The following CACNA2D2 variants were observed in gnomAD, a reference collection of about 807,000 sequenced individuals.
The protein encoded by CACNA2D2 is calcium voltage-gated channel auxiliary subunit alpha2delta 2, also known as voltage-dependent calcium channel subunit alpha-2/delta-2.
A neutral mutation model predicts 166.4 loss-of-function variants in CACNA2D2; 48 were observed. The observed-to-expected ratio is 0.29, with a 90% CI of 0.23 to 0.37. The LOEUF (loss-of-function observed/expected upper bound fraction) is 0.37. Among genes scored for constraint, CACNA2D2 ranks in the 10% least tolerant of loss-of-function variants. The pLI is 1.00. For missense variants in CACNA2D2, 1,122 were observed against 1,433.0 expected (o/e 0.78, Z 3.50); for synonymous variants, 561 against 573.7 (o/e 0.98, Z 0.32).
intron 1 of CACNA2D2, among the ~76,000 whole-genome samples, chr3:50,497,903 T>C (rs1698788980): frequency 6.6e-6 from 1 of 152,114 alleles, no homozygotes; most frequent in African/African-American, 2.4e-5. Flanking sequence ...GCTTCTTGTT[T>C]AGACAGTAGG....
At chr3:50,440,489 C>A (rs1258257047) in intron 2 of CACNA2D2, among the ~76,000 whole-genome samples, 15 of 152,278 alleles carry the variant, frequency 9.9e-5, no homozygotes, top group African/African-American at 3.4e-4. Context: ...GTTTTGTACA[C>A]TGTGATGTTA....
At chr3:50,479,930 C>G (rs775691422) in intron 1 of CACNA2D2, among the ~76,000 whole-genome samples, 44 of 152,322 alleles carry the variant, frequency 2.9e-4, no homozygotes, top group Non-Finnish European at 4.1e-4. Flanking sequence ...TCCCTAATTG[C>G]TTCTAAGTGC....
rs527437657 is a variant in CACNA2D2 at position 50,436,674 on chromosome 3, G to T, written c.289-2245C>A. ...CAAACCCATGCCTTGAGCAGCCTGT[G>T]CTGTTGTTACGGCTATTAGTTTGGG... is the stretch of plus-strand genomic sequence containing the variant. On this transcript the variant is annotated intron_variant, in intron 2 of 37. Coordinates refer to ENST00000424201, the MANE Select transcript of CACNA2D2 (RefSeq NM_006030.4). Among the ~76,000 whole-genome samples the T allele has an allele frequency of 2.0e-5, 3 of 152,366 alleles. No homozygotes were observed. In the South Asian group the frequency reaches 6.2e-4, roughly 32 times the overall value.
At chr3:50,409,253 G>A (rs1272217091) in intron 3 of CACNA2D2, among the ~76,000 whole-genome samples, 3 of 152,242 alleles carry the variant, frequency 2.0e-5, no homozygotes, top group African/African-American at 7.2e-5. Flanking sequence ...GGGCTCATGA[G>A]GAAGGGCTGG....
intron 1 of CACNA2D2, 34 bp from the exon 2 acceptor site, chr3:50,476,233 G>A (rs1385913905): frequency 6.5e-7 from 1 of 1,534,670 alleles, no homozygotes; most frequent in Admixed American, 1.9e-5. Flanking sequence ...GTGTCAGGAG[G>A]GCCTGCCCAG....
intron 4 of CACNA2D2, among the ~76,000 whole-genome samples, chr3:50,390,943 GC>G (rs1553733536): frequency 6.6e-6 from 1 of 152,252 alleles, no homozygotes; most frequent in Non-Finnish European, 1.5e-5. Context: ...CCAGCCACCC[GC>G]TGCACCAGTG....
intron 23 of CACNA2D2, 147 bp from the exon 24 acceptor site, chr3:50,368,382 T>TA (rs1179419967): frequency 1.1e-5 from 7 of 653,682 alleles, no homozygotes; most frequent in Non-Finnish European, 1.6e-5. Context: ...CTGCAGCTGC[T>TA]ACATGCCTGG....
At chr3:50,394,047 C>T in intron 4 of CACNA2D2, 62 bp downstream of exon 4, 3 of 1,482,118 alleles carry the variant, frequency 2.0e-6, no homozygotes, top group South Asian at 2.3e-5. Context: ...CACCCCCCAG[C>T]ATTCAAATCC....
chr3:50,415,635 C>A (rs1323456393), intron 3 of CACNA2D2, among the ~76,000 whole-genome samples: 1 of 152,226 alleles, frequency 6.6e-6, no homozygotes, highest in Non-Finnish European at 1.5e-5. Flanking sequence ...TGCCTGTGTG[C>A]CCCTCACCAA....
chr3:50,387,555 AG>A lies in CACNA2D2; in HGVS notation c.510+12del. 1.9e-6 allele frequency: 3 copies of A among 1,612,448 alleles called. No individual in the cohort carries two copies. Among genetic ancestry groups the A allele is most frequent in the Non-Finnish European group, 2.5e-6 (3 of 1,178,612 alleles). Reference sequence around the variant, plus strand: ...GCCCAGCAAGGAGGTGTGGCTCAGGAGGGGGTGCTCACCAGCTCAGCGTCAG... The same window carrying A: ...GCCCAGCAAGGAGGTGTGGCTCAGGAGGGGTGCTCACCAGCTCAGCGTCAG... On this transcript the variant is annotated intron_variant, in intron 5 of 37. Coordinates refer to ENST00000424201, the MANE Select transcript of CACNA2D2 (RefSeq NM_006030.4).
chr3:50,445,611 C>A (rs1327262881), intron 2 of CACNA2D2, among the ~76,000 whole-genome samples: 1 of 152,110 alleles, frequency 6.6e-6, no homozygotes, highest in Non-Finnish European at 1.5e-5. Context: ...CAAACAGGAC[C>A]AAGACACTAA....
In CACNA2D2 at chr3:50,441,055, T is replaced by C. The variant is rs148950460; in HGVS notation, c.289-6626A>G. Reference sequence around the variant, plus strand: ...TGCTCAGTGGCTGCAGAGGGGCTTGTTGGGGGACAGAAGCTGGGGAGACAG... The same window carrying C: ...TGCTCAGTGGCTGCAGAGGGGCTTGCTGGGGGACAGAAGCTGGGGAGACAG... On this transcript the variant is annotated intron_variant, in intron 2 of 37. Coordinates refer to ENST00000424201, the MANE Select transcript of CACNA2D2 (RefSeq NM_006030.4). 7.0e-3 allele frequency among the ~76,000 whole-genome samples: 836 copies of C among 119,264 alleles called. 3 individuals carry two copies. Among genetic ancestry groups the C allele is most frequent in the Middle Eastern group, 0.024 (6 of 250 alleles). The allele number at this position is 119,264 out of a possible 152,430, so 78.2% of individuals were successfully genotyped here.
intron 2 of CACNA2D2, among the ~76,000 whole-genome samples, chr3:50,466,697 T>G (rs2107037779): frequency 6.6e-6 from 1 of 152,348 alleles, no homozygotes; most frequent in South Asian, 2.1e-4. Context: ...CTACAGTGGA[T>G]CACGGGACCA....
intron 2 of CACNA2D2, among the ~76,000 whole-genome samples, chr3:50,454,973 ATCCCAAAAGTCT>A (rs1235780584): frequency 6.6e-6 from 1 of 152,180 alleles, no homozygotes; most frequent in African/African-American, 2.4e-5. Context: ...CAGGCGTCCA[ATCCCAAAAGTCT>A]TCCCAGCTGA....
intron 2 of CACNA2D2, among the ~76,000 whole-genome samples, chr3:50,451,723 A>C (rs1188018157): frequency 6.6e-6 from 1 of 152,144 alleles, no homozygotes; most frequent in Non-Finnish European, 1.5e-5. Context: ...GAGCCTGCTG[A>C]GAGGCCCCCT....
Position 50,365,765 on chromosome 3 carries a change from C to A in CACNA2D2, c.2915+45G>T, listed in dbSNP as rs769931893. On this transcript the variant is annotated intron_variant, in intron 33 of 37. Transcript: ENST00000424201. This position sits in a 1 kb window ranked among gnomAD's most constrained non-coding sequence, Gnocchi z 4.5. Reference sequence around the variant, plus strand: ...GCCCTACTTCTCTTCTGAGCCCTCCCGGCCAGGGAGCACCTTCTCTACCCA... The same window carrying A: ...GCCCTACTTCTCTTCTGAGCCCTCCAGGCCAGGGAGCACCTTCTCTACCCA... 1.3e-5 allele frequency: 21 copies of A among 1,611,946 alleles called. No individual in the cohort carries two copies. In the South Asian group the frequency reaches 2.2e-4, roughly 17 times the overall value.
intron 3 of CACNA2D2, among the ~76,000 whole-genome samples, chr3:50,425,822 G>C (rs1246447603): frequency 6.6e-6 from 1 of 152,048 alleles, no homozygotes; most frequent in African/African-American, 2.4e-5. Flanking sequence ...TCCATTCAAC[G>C]GACTCTCATC....
chr3:50,425,769 G>C (rs1707778562), intron 3 of CACNA2D2, among the ~76,000 whole-genome samples: 1 of 152,080 alleles, frequency 6.6e-6, no homozygotes, highest in African/African-American at 2.4e-5. Flanking sequence ...GCCTTCTCTG[G>C]GGAGTGGAGA....
intron 2 of CACNA2D2, among the ~76,000 whole-genome samples, chr3:50,471,428 G>A (rs897411405): frequency 6.6e-6 from 1 of 152,154 alleles, no homozygotes; most frequent in Non-Finnish European, 1.5e-5. Flanking sequence ...GGCCCTCTGG[G>A]CGCCCCTCCC....
Sources: gnomAD v4.1 joint callset for allele counts (sites outside exome capture counted in the v4.1 genomes callset) on GRCh38, gnomAD v4.1.1 for gene constraint, Gnocchi (gnomAD v3.1) non-coding constraint, MANE v1.5 for transcripts, NCBI Gene and HGNC (gene_info 2026-07-23, HGNC 2026-07-21) for gene names.